The following DLG2 variants were observed in gnomAD, a reference collection of about 807,000 sequenced individuals.
The protein encoded by DLG2 is disks large homolog 2.
DLG2 carries 45 observed loss-of-function variants against 132.5 expected under a neutral mutation model. The observed-to-expected ratio is 0.34, with a 90% CI of 0.27 to 0.44. The LOEUF (loss-of-function observed/expected upper bound fraction) is 0.44. Among genes scored for constraint, DLG2 ranks in the 20% least tolerant of loss-of-function variants. The pLI is 1.00. For synonymous variants in DLG2, 424 were observed against 419.6 expected (o/e 1.01, Z -0.13); for missense variants, 1,045 against 1,196.9 (o/e 0.87, Z 1.87).
intron 3 of DLG2, among the ~76,000 whole-genome samples, chr11:85,524,261 C>A (rs2074562645): frequency 6.6e-6 from 1 of 151,954 alleles, no homozygotes; most frequent in South Asian, 2.1e-4. Context: ...TTATTTGTCA[C>A]ACAAAGAAGG....
intron 6 of DLG2, among the ~76,000 whole-genome samples, chr11:84,681,839 A>C (rs1024088000): frequency 4.5e-4 from 69 of 152,108 alleles, no homozygotes; most frequent in African/African-American, 1.6e-3. Context: ...AAAAAAAAAA[A>C]CAAACCCTCT....
Position 85,287,330 on chromosome 11 carries a change from A to G in DLG2, c.41-1965T>C, listed in dbSNP as rs370745481. Among the ~76,000 whole-genome samples the G allele has an allele frequency of 7.9e-5, 12 of 152,220 alleles. No homozygotes were observed. In the East Asian group the frequency reaches 2.3e-3, roughly 29 times the overall value. Reference sequence around the variant, plus strand: ...AATACAAATCGCAAAGAAAAAGACAAGCAAACTAAAAGAAAAGAATTGGTA... The same window carrying G: ...AATACAAATCGCAAAGAAAAAGACAGGCAAACTAAAAGAAAAGAATTGGTA... On this transcript the variant is annotated intron_variant, in intron 3 of 27. Coordinates refer to ENST00000376104, the MANE Select transcript of DLG2 (RefSeq NM_001142699.3).
chr11:83,779,628 C>T (rs1258588911), intron 18 of DLG2, among the ~76,000 whole-genome samples: 1 of 152,152 alleles, frequency 6.6e-6, no homozygotes, highest in African/African-American at 2.4e-5. Context: ...CAGCTAGCCT[C>T]AGCTTTAACA....
intron 6 of DLG2, among the ~76,000 whole-genome samples, chr11:84,924,604 T>C (rs779709193): frequency 7.9e-5 from 12 of 152,216 alleles, no homozygotes; most frequent in Admixed American, 2.0e-4. Context: ...AAAAGCAGGA[T>C]TTTCTATTTC....
At chr11:84,925,106 CT>C (rs2092927732) in intron 6 of DLG2, among the ~76,000 whole-genome samples, 1 of 152,070 alleles carries the variant, frequency 6.6e-6, no homozygotes, top group Middle Eastern at 3.2e-3. Flanking sequence ...TTTATTCAAC[CT>C]GTGAATAAGT....
intron 6 of DLG2, among the ~76,000 whole-genome samples, chr11:84,843,155 T>C (rs1356659529): frequency 1.3e-5 from 2 of 152,016 alleles, no homozygotes; most frequent in Non-Finnish European, 2.9e-5. Flanking sequence ...GCAAAACTTT[T>C]GGAAGTAATG....
chr11:84,130,953 A>G (rs532388825), intron 9 of DLG2, among the ~76,000 whole-genome samples: 1 of 152,136 alleles, frequency 6.6e-6, no homozygotes, highest in African/African-American at 2.4e-5. Context: ...TACAAAACAT[A>G]GGGTTAAGAT....
chr11:85,491,527 C>CA (rs1051598910), intron 3 of DLG2, among the ~76,000 whole-genome samples: 13 of 151,560 alleles, frequency 8.6e-5, no homozygotes, highest in African/African-American at 1.4e-4. Context: ...CTAACCACAT[C>CA]AAAAAAAACT....
chr11:84,979,546 C>T (rs2055422924), intron 6 of DLG2, among the ~76,000 whole-genome samples: 1 of 151,964 alleles, frequency 6.6e-6, no homozygotes, highest in South Asian at 2.1e-4. Context: ...TCTCAGCAAA[C>T]TATCGCAAGG....
intron 4 of DLG2, among the ~76,000 whole-genome samples, chr11:85,156,044 A>G (rs2077567327): frequency 6.6e-6 from 1 of 152,104 alleles, no homozygotes; most frequent in Non-Finnish European, 1.5e-5. Flanking sequence ...GTGGGTGAAC[A>G]GAAATTTCCA....
At chr11:83,889,048 A>G (rs1289805859) in intron 15 of DLG2, among the ~76,000 whole-genome samples, 1 of 152,166 alleles carries the variant, frequency 6.6e-6, no homozygotes, top group East Asian at 1.9e-4. Flanking sequence ...AGGCATGGGC[A>G]AGGACTTCAT....
chr11:84,124,291 C>T (rs1177326668), intron 9 of DLG2, among the ~76,000 whole-genome samples: 1 of 152,190 alleles, frequency 6.6e-6, no homozygotes, highest in Admixed American at 6.5e-5. Flanking sequence ...TCCGTGTCCT[C>T]TGATAAAACA....
intron 9 of DLG2, among the ~76,000 whole-genome samples, chr11:84,146,094 C>A (rs908102112): frequency 6.6e-6 from 1 of 152,130 alleles, no homozygotes; most frequent in Non-Finnish European, 1.5e-5. Context: ...CAGACCTGTC[C>A]CTAGTCATTC....
intron 7 of DLG2, among the ~76,000 whole-genome samples, chr11:84,277,290 CA>C (rs2097791750): frequency 6.6e-6 from 1 of 152,068 alleles, no homozygotes. Context: ...TTTAAGTGCT[CA>C]AATAGTATTT....
intron 16 of DLG2, among the ~76,000 whole-genome samples, chr11:83,841,707 T>C (rs574667896): frequency 1.1e-4 from 16 of 152,364 alleles, no homozygotes; most frequent in South Asian, 2.1e-4. Context: ...ATGGAATGTA[T>C]AGAAGACATA....
At chr11:83,790,354 A>G (rs2041205815) in intron 17 of DLG2, 3 of 889,002 alleles carry the variant, frequency 3.4e-6, no homozygotes, top group Non-Finnish European at 1.8e-6. Context: ...AACTGTCCCA[A>G]TCAAGGAAAG....
chr11:83,842,684 C>T lies in DLG2; in HGVS notation c.1566-8914G>A, dbSNP rs879827039. On this transcript the variant is annotated intron_variant, in intron 16 of 27. Coordinates refer to ENST00000376104, the MANE Select transcript of DLG2 (RefSeq NM_001142699.3). ...ACAAAAAATTAGCCGGGCATGGTGGCGGGTGCCTGTAGCCCCAGGTACTCG... is the reference window on the plus strand; with the variant it reads ...ACAAAAAATTAGCCGGGCATGGTGGTGGGTGCCTGTAGCCCCAGGTACTCG... 1.1e-4 allele frequency among the ~76,000 whole-genome samples: 17 copies of T among 151,794 alleles called. No homozygotes were observed. The South Asian group carries it at 2.3e-3, about 20-fold the overall frequency.
Position 84,294,376 on chromosome 11 carries a change from T to G in DLG2, c.520-43085A>C, listed in dbSNP as rs1446039048. On this transcript the variant is annotated intron_variant, in intron 7 of 27. Coordinates refer to ENST00000376104, the MANE Select transcript of DLG2 (RefSeq NM_001142699.3). The stretch of plus-strand genomic sequence containing the variant: ...CACTTTGGGAGGCCAAGGCGGTGGA[T>G]CATCTGAGGTCAGGAGTTTGAGACC... Among the ~76,000 whole-genome samples, 14 of 152,276 alleles carry G rather than the reference T, an allele frequency of 9.2e-5. No homozygotes were observed. In the East Asian group the frequency reaches 2.7e-3, roughly 29 times the overall value.
Position 84,273,945 on chromosome 11 carries a change from C to T in DLG2, c.520-22654G>A, listed in dbSNP as rs547964080. 3.4e-4 allele frequency among the ~76,000 whole-genome samples: 52 copies of T among 152,186 alleles called. 1 individual carries two copies. The highest frequency in any genetic ancestry group is 1.2e-3 in the African/African-American group (50 of 41,498). On this transcript the variant is annotated intron_variant, in intron 7 of 27. Transcript: ENST00000376104. ...TAAAATGTAAGAGTAACTAGAAGAA[C>T]TTTATGTTGCCTATATATTGAAGAA...
Sources: gnomAD v4.1 joint callset for allele counts (sites outside exome capture counted in the v4.1 genomes callset) on GRCh38, gnomAD v4.1.1 for gene constraint, MANE v1.5 for transcripts, NCBI Gene and HGNC (gene_info 2026-07-23, HGNC 2026-07-21) for gene names.